MTSS1: variants seen among roughly 807,000 people sequenced by gnomAD.
The protein encoded by MTSS1 is protein MTSS 1.
In MTSS1, 18 loss-of-function variants were observed where a neutral mutation model predicts 79.0. The observed-to-expected ratio is 0.23, with a 90% CI of 0.16 to 0.34. The LOEUF (loss-of-function observed/expected upper bound fraction) is 0.34, where lower values mean the gene tolerates loss of function less well. Among genes scored for constraint, MTSS1 ranks in the 10% least tolerant of loss-of-function variants. The probability of loss-of-function intolerance (pLI) is 1.00; values close to 1 mark genes in which losing one functional copy is unlikely to be tolerated. For missense variants in MTSS1, 815 were observed against 986.2 expected (o/e 0.83, Z 2.33); for synonymous variants, 341 against 368.6 (o/e 0.93, Z 0.86).
intron 3 of MTSS1, among the ~76,000 whole-genome samples, chr8:124,633,609 A>T (rs981536667): frequency 1.3e-5 from 2 of 152,116 alleles, no homozygotes; most frequent in Non-Finnish European, 2.9e-5. Context: ...CGTCACTACT[A>T]AAAATACAAA....
intron 6 of MTSS1, among the ~76,000 whole-genome samples, chr8:124,572,743 C>CTTTTTTTTTTTTTTTT (rs747243821): frequency 1.1e-4 from 13 of 123,668 alleles, no homozygotes; most frequent in East Asian, 2.5e-4. Flanking sequence ...CTTTTCTTTT[C>CTTTTTTTTTTTTTTTT]TTTTTTTTTT....
intron 5 of MTSS1, among the ~76,000 whole-genome samples, chr8:124,586,247 G>T (rs1460596467): frequency 1.3e-5 from 2 of 152,120 alleles, no homozygotes; most frequent in East Asian, 1.9e-4. Context: ...CCTTCTACTG[G>T]CCCTAAGCCT....
Position 124,553,580 on chromosome 8 carries a change from C to T in MTSS1, c.1680G>A (p.Arg560=). Residue 560 remains arginine, a synonymous_variant, in exon 14 of 14, where the codon CGG becomes CGA. Coordinates refer to ENST00000518547, the MANE Select transcript of MTSS1 (RefSeq NM_014751.6). This position sits in a 1 kb window ranked among gnomAD's most constrained non-coding sequence, Gnocchi z 6.0. ...RNSDISQSYR[R]MFQAKRPAST... ...AGGCTGGACGCTTGGCTTGGAACAT[C>T]CGTCGGTAGGACTGGCTGATGTCGC... is the stretch of plus-strand genomic sequence containing the variant. 6.2e-7 allele frequency: 1 copy of T among 1,614,160 alleles called. No individual in the cohort carries two copies. The highest frequency in any genetic ancestry group is 8.5e-7 in the Non-Finnish European group (1 of 1,180,024).
At chr8:124,639,597 G>A (rs1446312630) in intron 3 of MTSS1, among the ~76,000 whole-genome samples, 1 of 152,002 alleles carries the variant, frequency 6.6e-6, no homozygotes, top group East Asian at 1.9e-4. Flanking sequence ...CGGAGTAGCT[G>A]GGATTACAGG....
intron 12 of MTSS1, 81 bp from the exon 13 acceptor site, chr8:124,555,985 T>A (rs754776670): frequency 1.3e-6 from 2 of 1,567,910 alleles, no homozygotes; most frequent in Non-Finnish European, 1.7e-6. Context: ...CCGTGAGCAC[T>A]ACATGTCTGT....
chr8:124,652,346 T>A (rs1820120851), intron 3 of MTSS1, among the ~76,000 whole-genome samples: 1 of 151,848 alleles, frequency 6.6e-6, no homozygotes, highest in Admixed American at 6.6e-5. Context: ...GCTAATTTTT[T>A]GTAGAGACAG....
At chr8:124,596,544 C>T (rs1052343333) in intron 3 of MTSS1, among the ~76,000 whole-genome samples, 5 of 152,168 alleles carry the variant, frequency 3.3e-5, no homozygotes, top group African/African-American at 9.7e-5. Context: ...TGCTGAGGCC[C>T]AGCACCATAC....
intron 3 of MTSS1, among the ~76,000 whole-genome samples, chr8:124,623,061 C>T (rs113277777): frequency 1.5e-3 from 236 of 152,288 alleles, no homozygotes; most frequent in African/African-American, 5.1e-3. Flanking sequence ...CAGGTCACTG[C>T]GATGAGAGGA....
rs1448986492 is a variant in MTSS1, at chr8:124,699,511, C to T, written c.208+15G>A. ...GAATGCAGTTAACACTGGGAGTCAGCCTCCATCTGCTTACCACGTGTGTTG... is the reference window on the plus strand; with the variant it reads ...GAATGCAGTTAACACTGGGAGTCAGTCTCCATCTGCTTACCACGTGTGTTG... On this transcript the variant is annotated intron_variant, in intron 3 of 13. Transcript: ENST00000518547. 3.2e-5 allele frequency: 52 copies of T among 1,613,378 alleles called. No homozygotes were observed. Among genetic ancestry groups the T allele is most frequent in the Non-Finnish European group, 4.2e-5 (49 of 1,179,472 alleles).
intron 10 of MTSS1, among the ~76,000 whole-genome samples, chr8:124,561,167 C>T (rs924120767): frequency 7.9e-5 from 12 of 152,332 alleles, no homozygotes; most frequent in Middle Eastern, 3.4e-3. Flanking sequence ...CGCGGTGGCT[C>T]ATGCCTGTAA....
At chr8:124,671,377 C>T (rs925705538) in intron 3 of MTSS1, among the ~76,000 whole-genome samples, 4 of 152,142 alleles carry the variant, frequency 2.6e-5, no homozygotes, top group African/African-American at 4.8e-5. Flanking sequence ...AATGATGGGG[C>T]CCCTCTTGCT....
At chr8:124,688,374 G>A (rs1827372596) in intron 3 of MTSS1, among the ~76,000 whole-genome samples, 1 of 151,696 alleles carries the variant, frequency 6.6e-6, no homozygotes, top group South Asian at 2.1e-4. Context: ...GTGTGTACAT[G>A]TGTATGTTGT....
At chr8:124,598,282 C>A (rs1009321733) in intron 3 of MTSS1, among the ~76,000 whole-genome samples, 2 of 152,030 alleles carry the variant, frequency 1.3e-5, no homozygotes, top group Non-Finnish European at 2.9e-5. Context: ...GTGACTGAGA[C>A]CCTGTCTCAA....
chr8:124,701,756 G>C (rs961706534), intron 2 of MTSS1, among the ~76,000 whole-genome samples: 1 of 152,314 alleles, frequency 6.6e-6, no homozygotes, highest in Non-Finnish European at 1.5e-5. Flanking sequence ...ACTGTCCGCT[G>C]TAGTCACAAG....
intron 3 of MTSS1, among the ~76,000 whole-genome samples, chr8:124,618,940 C>CTTTG (rs1812927127): frequency 6.6e-6 from 1 of 152,218 alleles, no homozygotes; most frequent in Non-Finnish European, 1.5e-5. Context: ...GGAGCTAGTG[C>CTTTG]TTTGCTCCAA....
chr8:124,723,102 GCAAAAGAAGAGTT>G (rs1833182349), intron 1 of MTSS1, among the ~76,000 whole-genome samples: 1 of 152,200 alleles, frequency 6.6e-6, no homozygotes, highest in Non-Finnish European at 1.5e-5. Context: ...TGGCTGAGGT[GCAAAAGAAGAGTT>G]CAAAGGGCAA....
intron 3 of MTSS1, among the ~76,000 whole-genome samples, chr8:124,689,076 T>C (rs1827501580): frequency 6.6e-6 from 1 of 151,558 alleles, no homozygotes; most frequent in Non-Finnish European, 1.5e-5. Context: ...GTCAGAAGAA[T>C]TCACTGCCAA....
At chr8:124,628,771 C>G (rs1321840624) in intron 3 of MTSS1, among the ~76,000 whole-genome samples, 1 of 152,162 alleles carries the variant, frequency 6.6e-6, no homozygotes, top group East Asian at 1.9e-4. Context: ...TCGCAACAAC[C>G]CTCTGAGGCA....
intron 3 of MTSS1, among the ~76,000 whole-genome samples, chr8:124,639,126 C>T (rs1346300143): frequency 6.6e-6 from 1 of 152,182 alleles, no homozygotes; most frequent in Non-Finnish European, 1.5e-5. Context: ...CACTAGAGGT[C>T]AGGAGTTCCA....
Sources: allele counts gnomAD v4.1 joint callset (sites outside exome capture counted in the v4.1 genomes callset), GRCh38; gene constraint gnomAD v4.1.1; non-coding constraint Gnocchi (gnomAD v3.1); transcripts MANE v1.5; gene names NCBI Gene and HGNC (gene_info 2026-07-23, HGNC 2026-07-21).